The following BLVRA variants were observed in gnomAD, a reference collection of about 807,000 sequenced individuals.
BLVRA encodes BVR A.
A neutral mutation model predicts 32.8 loss-of-function variants in BLVRA; 22 were observed. That is an observed-to-expected ratio of 0.67 (90% CI 0.48 to 0.96). The LOEUF (loss-of-function observed/expected upper bound fraction) is 0.96. BLVRA is among the 40% of genes least tolerant of loss of function. The pLI is 0.00. For synonymous variants in BLVRA, 119 were observed against 141.3 expected (o/e 0.84, Z 1.12); for missense variants, 323 against 358.1 (o/e 0.90, Z 0.79).
intron 3 of BLVRA, among the ~76,000 whole-genome samples, chr7:43,789,560 C>T (rs1157324163): frequency 2.0e-5 from 3 of 152,260 alleles, no homozygotes; most frequent in East Asian, 1.9e-4. Flanking sequence ...AGCACTTGGG[C>T]GCAAGGCTGA....
At chr7:43,788,663 G>A (rs564837486) in intron 3 of BLVRA, among the ~76,000 whole-genome samples, 25 of 151,960 alleles carry the variant, frequency 1.6e-4, no homozygotes, top group African/African-American at 2.2e-4. Context: ...AAGCTGCAGC[G>A]CAATGGTGCA....
intron 1 of BLVRA, among the ~76,000 whole-genome samples, chr7:43,762,953 C>G (rs1245907465): frequency 6.6e-6 from 1 of 151,996 alleles, no homozygotes; most frequent in African/African-American, 2.4e-5. Context: ...TTCTGATTGT[C>G]GTGCTGGGGG....
At chr7:43,803,653 A>G in intron 6 of BLVRA, 23 bp from the exon 7 acceptor site, 1 of 1,374,324 alleles carries the variant, frequency 7.3e-7, no homozygotes, top group East Asian at 3.4e-5. Flanking sequence ...CCCAGTTCCC[A>G]CAGCATTTGT....
intron 2 of BLVRA, among the ~76,000 whole-genome samples, chr7:43,784,137 T>C (rs1210164513): frequency 1.3e-5 from 2 of 152,338 alleles, no homozygotes; most frequent in Middle Eastern, 3.4e-3. Context: ...ATGTGTCCTT[T>C]TCTGCTGTCT....
intron 1 of BLVRA, among the ~76,000 whole-genome samples, chr7:43,767,845 C>A (rs202194411): frequency 8.1e-5 from 12 of 147,894 alleles, no homozygotes; most frequent in African/African-American, 7.5e-5. Flanking sequence ...ATGTTAATTA[C>A]AAAAAAAAAA....
chr7:43,784,429 G>T (rs985422775), intron 2 of BLVRA, among the ~76,000 whole-genome samples: 9 of 152,064 alleles, frequency 5.9e-5, no homozygotes, highest in Admixed American at 3.3e-4. Flanking sequence ...ACTACAGAGT[G>T]GTCTAGCCAT....
chr7:43,769,481 G>T (rs921329134), intron 1 of BLVRA, among the ~76,000 whole-genome samples: 5 of 152,138 alleles, frequency 3.3e-5, no homozygotes, highest in Non-Finnish European at 7.4e-5. Context: ...ATGTGAAAAG[G>T]CTCCAGACTG....
chr7:43,804,139 T>A (rs2132598119), intron 7 of BLVRA, among the ~76,000 whole-genome samples: 1 of 152,320 alleles, frequency 6.6e-6, no homozygotes, highest in East Asian at 1.9e-4. Context: ...AGCAGATTAG[T>A]AGTGGAAATT....
Position 43,787,830 on chromosome 7 carries a change from G to C in BLVRA, c.13-74G>C. 6.2e-7 allele frequency: 1 copy of C among 1,612,226 alleles called. No individual in the cohort carries two copies. Among genetic ancestry groups the C allele is most frequent in the Non-Finnish European group, 8.5e-7 (1 of 1,178,406 alleles). Reference sequence around the variant, plus strand: ...CATCTTGCTCGTCGGGACCCTGCCAGCTCCTTTGTTTTGTAGTTTTCTGCT... The same window carrying C: ...CATCTTGCTCGTCGGGACCCTGCCACCTCCTTTGTTTTGTAGTTTTCTGCT... On this transcript the variant is annotated intron_variant, in intron 2 of 7. Coordinates refer to ENST00000265523, the MANE Select transcript of BLVRA (RefSeq NM_000712.4). This position sits in a 1 kb window ranked among gnomAD's most constrained non-coding sequence, Gnocchi z 4.5.
intron 2 of BLVRA, among the ~76,000 whole-genome samples, chr7:43,773,775 T>C (rs560889860): frequency 7.4e-4 from 113 of 152,336 alleles, no homozygotes; most frequent in Non-Finnish European, 6.2e-4. Context: ...AGTGTTCTTG[T>C]TTCTCCACAT....
At chr7:43,789,951 G>C (rs1315429443) in intron 3 of BLVRA, among the ~76,000 whole-genome samples, 1 of 151,768 alleles carries the variant, frequency 6.6e-6, no homozygotes. Context: ...ATTTTAATTT[G>C]TTCTCCATGA....
At chr7:43,797,394 C>T (rs1452312625) in intron 5 of BLVRA, among the ~76,000 whole-genome samples, 1 of 152,196 alleles carries the variant, frequency 6.6e-6, no homozygotes, top group Admixed American at 6.5e-5. Flanking sequence ...AGCTCAATAA[C>T]GTATTTTTAA....
intron 6 of BLVRA, 68 bp from the exon 7 acceptor site, chr7:43,803,608 C>A: frequency 1.4e-6 from 2 of 1,445,182 alleles, no homozygotes; most frequent in Middle Eastern, 2.1e-4. Context: ...CCACCCCCAC[C>A]CCCCTGTCCT....
At chr7:43,764,385 T>C (rs2095745540) in intron 1 of BLVRA, 2 of 152,238 alleles carry the variant, frequency 1.3e-5, no homozygotes, top group Admixed American at 6.5e-5. Flanking sequence ...TTTGAGTTAA[T>C]AAGCAGCTCT....
intron 2 of BLVRA, among the ~76,000 whole-genome samples, chr7:43,782,321 AAGAC>A (rs2095770854): frequency 6.6e-6 from 1 of 152,184 alleles, no homozygotes; most frequent in South Asian, 2.1e-4. Context: ...TGGAGGGAGA[AAGAC>A]AGAAGAAGGA....
intron 1 of BLVRA, chr7:43,767,263 G>T: frequency 2.3e-6 from 2 of 871,194 alleles, no homozygotes; most frequent in South Asian, 1.4e-5. Flanking sequence ...GCCTGCCACC[G>T]AGCACCTGTG....
intron 5 of BLVRA, among the ~76,000 whole-genome samples, chr7:43,798,226 A>AAAAAAAAAAAAAT (rs1563550433): frequency 7.1e-6 from 1 of 141,602 alleles, no homozygotes; most frequent in Non-Finnish European, 1.5e-5. Flanking sequence ...AAAAAAAAAA[A>AAAAAAAAAAAAAT]GGAAACGATG....
Position 43,798,197 on chromosome 7 carries a change from CAAAAAAAAAAAAAAAAA to C in BLVRA, c.353-2255_353-2239del, listed in dbSNP as rs56855757. 6.2e-4 allele frequency among the ~76,000 whole-genome samples: 28 copies of C among 45,206 alleles called. 1 individual carries two copies. The highest frequency in any genetic ancestry group is 8.8e-4 in the Non-Finnish European group (22 of 25,048). The allele number at this position is 45,206 out of a possible 152,430, so 29.7% of individuals were successfully genotyped here. ...TGACAGAGGGAGACTCCCCATCTCA[CAAAAAAAAAAAAAAAAA>C]AAAAAAAAAAAAGGAAACGATGCTG... On this transcript the variant is annotated intron_variant, in intron 5 of 7. Transcript: ENST00000265523.
At chr7:43,759,610 C>T (rs553738103) in intron 1 of BLVRA, among the ~76,000 whole-genome samples, 2 of 152,284 alleles carry the variant, frequency 1.3e-5, no homozygotes, top group South Asian at 4.1e-4. Context: ...ACATAAATAG[C>T]TTACAATAGG....
Sources: gnomAD v4.1 joint callset for allele counts (sites outside exome capture counted in the v4.1 genomes callset) on GRCh38, gnomAD v4.1.1 for gene constraint, Gnocchi (gnomAD v3.1) non-coding constraint, MANE v1.5 for transcripts, NCBI Gene and HGNC (gene_info 2026-07-23, HGNC 2026-07-21) for gene names.